Variants in ADGRL4 observed in about 807,000 individuals in gnomAD.
ADGRL4 encodes the protein adhesion G protein-coupled receptor L4.
A neutral mutation model predicts 74.8 loss-of-function variants in ADGRL4; 90 were observed. The ratio of observed to expected loss-of-function variants is 1.20; its 90% CI spans 1.02 to 1.43. The LOEUF (loss-of-function observed/expected upper bound fraction) is 1.43, where lower values mean the gene tolerates loss of function less well. ADGRL4 is among the 40% of genes most tolerant of loss of function. The pLI is 0.00. For missense variants in ADGRL4, 881 were observed against 814.3 expected, an observed-to-expected ratio of 1.08 and a Z score of -1.00; for synonymous variants, 311 against 279.2, an observed-to-expected ratio of 1.11 and a Z score of -1.14.
intron 2 of ADGRL4, among the ~76,000 whole-genome samples, chr1:78,961,079 T>A (rs902048674): frequency 6.6e-6 from 1 of 152,168 alleles, no homozygotes; most frequent in Non-Finnish European, 1.5e-5. Context: ...TTTATGACTC[T>A]ATATACTTCA....
chr1:78,991,497 T>A (rs918027298), intron 2 of ADGRL4, among the ~76,000 whole-genome samples: 15 of 152,142 alleles, frequency 9.9e-5, no homozygotes, highest in Admixed American at 3.3e-4. Flanking sequence ...AATTTAGTAC[T>A]TTCACTGTAT....
intron 2 of ADGRL4, among the ~76,000 whole-genome samples, chr1:78,987,082 A>AT (rs909783204): frequency 3.3e-5 from 5 of 151,600 alleles, no homozygotes; most frequent in Admixed American, 1.3e-4. Context: ...GTCTCAGATA[A>AT]TTTTTTTTAC....
Position 78,911,850 on chromosome 1 carries a change from T to C in ADGRL4, c.1749+5784A>G, listed in dbSNP as rs914076999. On this transcript the variant is annotated intron_variant, in intron 12 of 14. Coordinates refer to ENST00000370742, the MANE Select transcript of ADGRL4 (RefSeq NM_022159.4). ...CTGTTTTTACCATAGCCGTGTTATG[T>C]AGGGCTGGCATCATTAACTTCATCT... Among the ~76,000 whole-genome samples the C allele has an allele frequency of 5.3e-5, 8 of 151,966 alleles. No individual in the cohort carries two copies. In the South Asian group the frequency reaches 8.3e-4, roughly 16 times the overall value.
At chr1:78,911,503 C>T (rs769546128) in intron 12 of ADGRL4, among the ~76,000 whole-genome samples, 6 of 151,628 alleles carry the variant, frequency 4.0e-5, no homozygotes, top group Non-Finnish European at 4.4e-5. Flanking sequence ...GTATGGTGTA[C>T]TAGAGACTTC....
At chr1:78,991,427 A>G (rs1189217978) in intron 2 of ADGRL4, among the ~76,000 whole-genome samples, 1 of 151,986 alleles carries the variant, frequency 6.6e-6, no homozygotes, top group Non-Finnish European at 1.5e-5. Flanking sequence ...TCCTGTGTAA[A>G]TACAATTAGA....
At chr1:78,936,566 A>T (rs1413493824) in intron 6 of ADGRL4, among the ~76,000 whole-genome samples, 155 bp from the exon 7 acceptor site, 1 of 152,166 alleles carries the variant, frequency 6.6e-6, no homozygotes, top group Non-Finnish European at 1.5e-5. Context: ...TGGACAATGT[A>T]ATGTATATGT....
chr1:78,898,053 G>A (rs918165389), intron 12 of ADGRL4, among the ~76,000 whole-genome samples: 1 of 151,948 alleles, frequency 6.6e-6, no homozygotes, highest in African/African-American at 2.4e-5. Context: ...ATATCTTTGG[G>A]GAATTTTATG....
At chr1:78,927,833 G>A (rs1250038785) in intron 7 of ADGRL4, among the ~76,000 whole-genome samples, 4 of 152,174 alleles carry the variant, frequency 2.6e-5, no homozygotes, top group Non-Finnish European at 5.9e-5. Flanking sequence ...TTGCCAAAGT[G>A]TATTGCTATT....
intron 3 of ADGRL4, among the ~76,000 whole-genome samples, chr1:78,944,496 C>T (rs1649554597): frequency 6.6e-6 from 1 of 152,184 alleles, no homozygotes; most frequent in Non-Finnish European, 1.5e-5. Flanking sequence ...TGTTGTTATG[C>T]TATATTGCAA....
At chr1:78,911,031 A>G (rs1180693114) in intron 12 of ADGRL4, among the ~76,000 whole-genome samples, 1 of 151,890 alleles carries the variant, frequency 6.6e-6, no homozygotes, top group East Asian at 1.9e-4. Flanking sequence ...AACATACATA[A>G]TAATACATTA....
chr1:78,905,508 G>C (rs1648616595), intron 12 of ADGRL4, among the ~76,000 whole-genome samples: 2 of 151,922 alleles, frequency 1.3e-5, no homozygotes, highest in Admixed American at 1.3e-4. Context: ...TTGAGGTTTT[G>C]AGACACCTGT....
intron 10 of ADGRL4, 80 bp downstream of exon 10, chr1:78,920,103 A>C: frequency 9.3e-7 from 1 of 1,078,256 alleles, no homozygotes; most frequent in Non-Finnish European, 1.3e-6. Context: ...CCTAAATTAC[A>C]AATAATGTTT....
intron 2 of ADGRL4, among the ~76,000 whole-genome samples, chr1:78,972,757 A>G (rs1250332791): frequency 6.6e-6 from 1 of 152,208 alleles, no homozygotes; most frequent in Non-Finnish European, 1.5e-5. Flanking sequence ...TAGTTTCTCA[A>G]ATTGTAAGAC....
chr1:78,987,489 AAAT>A (rs1016685658), intron 2 of ADGRL4, among the ~76,000 whole-genome samples: 1 of 151,780 alleles, frequency 6.6e-6, no homozygotes, highest in Non-Finnish European at 1.5e-5. Context: ...CCATTAATTA[AAAT>A]AAGATTGATT....
At chr1:78,931,630 A>C (rs1387321714) in intron 7 of ADGRL4, among the ~76,000 whole-genome samples, 1 of 151,386 alleles carries the variant, frequency 6.6e-6, no homozygotes, top group Non-Finnish European at 1.5e-5. Context: ...AAAGGCACAG[A>C]CTGGCAAATT....
intron 2 of ADGRL4, among the ~76,000 whole-genome samples, chr1:78,959,804 A>G (rs78246610): frequency 0.13 from 19,854 of 152,180 alleles, 1,526 homozygotes; most frequent in East Asian, 0.25. Flanking sequence ...TCTCAAGGAT[A>G]GACACTTTTA....
rs139893094 is a variant in ADGRL4 at position 78,981,316 on chromosome 1, C to T, written c.172+23754G>A. Among the ~76,000 whole-genome samples, 582 of 151,842 alleles carry T rather than the reference C, an allele frequency of 3.8e-3. 7 individuals are homozygous for T. The highest frequency in any genetic ancestry group is 0.013 in the African/African-American group (555 of 41,460). ...ATGAATGCGAAGTGTTTCACTCAGG[C>T]AGAGGAGGAACAACATAGAAAAATA... On this transcript the variant is annotated intron_variant, in intron 2 of 14. Transcript: ENST00000370742.
At chr1:78,967,772 T>G (rs903583501) in intron 2 of ADGRL4, among the ~76,000 whole-genome samples, 25 of 152,152 alleles carry the variant, frequency 1.6e-4, no homozygotes, top group Admixed American at 5.2e-4. Flanking sequence ...TTGGCAAAAT[T>G]TGTAAAAGGT....
chr1:78,998,319 T>A (rs1281593243), intron 2 of ADGRL4, among the ~76,000 whole-genome samples: 1 of 151,462 alleles, frequency 6.6e-6, no homozygotes, highest in Non-Finnish European at 1.5e-5. Context: ...ACTCTTGTAC[T>A]TGACCTACGC....
Sources: allele counts gnomAD v4.1 joint callset (sites outside exome capture counted in the v4.1 genomes callset), GRCh38; gene constraint gnomAD v4.1.1; transcripts MANE v1.5; gene names NCBI Gene and HGNC (gene_info 2026-07-23, HGNC 2026-07-21).